LINGO2: variants seen among roughly 807,000 people sequenced by gnomAD.
LINGO2 encodes the protein leucine-rich repeat and immunoglobulin-like domain-containing nogo receptor-interacting protein 2.
A neutral mutation model predicts 30.6 loss-of-function variants in LINGO2; 14 were observed. The ratio of observed to expected loss-of-function variants is 0.46; its 90% CI spans 0.30 to 0.72. The LOEUF (loss-of-function observed/expected upper bound fraction) is 0.72, where lower values mean the gene tolerates loss of function less well. Ranked by LOEUF, LINGO2 falls within the 30% of genes least tolerant of loss-of-function variation. The probability of loss-of-function intolerance (pLI) is 0.07; values close to 1 mark genes in which losing one functional copy is unlikely to be tolerated. For missense variants in LINGO2, 729 were observed against 751.7 expected, an observed-to-expected ratio of 0.97 and a Z score of 0.35; for synonymous variants, 317 against 288.5, an observed-to-expected ratio of 1.10 and a Z score of -1.00.
intron 1 of LINGO2, among the ~76,000 whole-genome samples, chr9:28,483,969 G>T (rs548997593): frequency 1.3e-5 from 2 of 152,018 alleles, no homozygotes; most frequent in African/African-American, 2.4e-5. Context: ...TTCAGATTAT[G>T]GTAACTTAAG....
chr9:28,194,501 C>G (rs1245258553), intron 4 of LINGO2, among the ~76,000 whole-genome samples: 2 of 147,058 alleles, frequency 1.4e-5, no homozygotes, highest in Non-Finnish European at 3.0e-5. Context: ...AGTACATTAT[C>G]TCAATCACTT....
At chr9:29,137,643 G>A in the LINGO2 span, among the ~76,000 whole-genome samples, 1 of 152,014 alleles carries the variant, frequency 6.6e-6, no homozygotes, top group East Asian at 1.9e-4. Context: ...AAGACTTAAG[G>A]GCATGGGCTC....
the LINGO2 span, among the ~76,000 whole-genome samples, chr9:28,969,010 C>A: frequency 1.1e-4 from 17 of 151,908 alleles, no homozygotes; most frequent in Non-Finnish European, 2.4e-4. Flanking sequence ...ATAGTGATGC[C>A]TTCATTCAAT....
At chr9:28,307,112 C>A (rs1011628588) in intron 3 of LINGO2, among the ~76,000 whole-genome samples, 1 of 151,974 alleles carries the variant, frequency 6.6e-6, no homozygotes, top group Non-Finnish European at 1.5e-5. Context: ...CAAAGCCCGG[C>A]AGAGACACAA....
At chr9:28,795,598 T>C in the LINGO2 span, among the ~76,000 whole-genome samples, 3 of 151,442 alleles carry the variant, frequency 2.0e-5, no homozygotes, top group African/African-American at 7.3e-5. Flanking sequence ...TATCCATATA[T>C]AGATAGATAC....
At chr9:28,915,207 G>A in the LINGO2 span, among the ~76,000 whole-genome samples, 1 of 152,132 alleles carries the variant, frequency 6.6e-6, no homozygotes, top group Non-Finnish European at 1.5e-5. Context: ...AGAAAGCTCA[G>A]GAAAAGTACC....
At chr9:28,177,766 C>A (rs1199904814) in intron 4 of LINGO2, among the ~76,000 whole-genome samples, 1 of 152,060 alleles carries the variant, frequency 6.6e-6, no homozygotes. Flanking sequence ...TCCTCTCATT[C>A]TTAACAAAAA....
chr9:28,916,776 T>C, the LINGO2 span, among the ~76,000 whole-genome samples: 1 of 133,560 alleles, frequency 7.5e-6, no homozygotes, highest in African/African-American at 2.8e-5. Context: ...CAAAATAAAC[T>C]TCTAAATTAA....
the LINGO2 span, among the ~76,000 whole-genome samples, chr9:28,808,997 A>C: frequency 6.6e-6 from 1 of 152,130 alleles, no homozygotes; most frequent in Non-Finnish European, 1.5e-5. Context: ...TTATGCACTT[A>C]TGTATTTTTA....
chr9:28,362,528 T>C (rs1462751938), intron 3 of LINGO2, among the ~76,000 whole-genome samples: 1 of 151,930 alleles, frequency 6.6e-6, no homozygotes, highest in Non-Finnish European at 1.5e-5. Context: ...TGGAGTGCAA[T>C]GGCGTGATCT....
chr9:28,592,732 G>C (rs1470538268), intron 1 of LINGO2, among the ~76,000 whole-genome samples: 1 of 151,962 alleles, frequency 6.6e-6, no homozygotes, highest in Non-Finnish European at 1.5e-5. Context: ...GAAAGGATAT[G>C]GGGAAAACAC....
chr9:28,895,334 C>A, the LINGO2 span, among the ~76,000 whole-genome samples: 2 of 152,194 alleles, frequency 1.3e-5, no homozygotes, highest in Admixed American at 1.3e-4. Flanking sequence ...ATCAAGAGAG[C>A]GTTGTCACAC....
intron 2 of LINGO2, among the ~76,000 whole-genome samples, chr9:28,423,683 T>G (rs1564190289): frequency 6.6e-6 from 1 of 152,100 alleles, no homozygotes; most frequent in Non-Finnish European, 1.5e-5. Context: ...TGAAGAAAAC[T>G]GAATTTACTT....
chr9:28,664,508 G>T (rs1053786959), intron 1 of LINGO2, among the ~76,000 whole-genome samples: 2 of 151,982 alleles, frequency 1.3e-5, no homozygotes, highest in Non-Finnish European at 2.9e-5. Flanking sequence ...GTAAGACCTT[G>T]GTCAATTTAA....
intron 1 of LINGO2, among the ~76,000 whole-genome samples, chr9:28,619,169 A>T (rs1453504411): frequency 6.6e-6 from 1 of 152,168 alleles, no homozygotes; most frequent in Non-Finnish European, 1.5e-5. Flanking sequence ...TGAATGAATT[A>T]TTGAATGAAT....
chr9:27,970,836 T>C (rs561483464), intron 5 of LINGO2, among the ~76,000 whole-genome samples: 9 of 151,836 alleles, frequency 5.9e-5, no homozygotes, highest in African/African-American at 1.9e-4. Flanking sequence ...AACAGAGATA[T>C]AACCATGAAA....
At chr9:28,977,900 C>G in the LINGO2 span, among the ~76,000 whole-genome samples, 1 of 152,074 alleles carries the variant, frequency 6.6e-6, no homozygotes, top group African/African-American at 2.4e-5. Flanking sequence ...TGAAACAAAG[C>G]CTTCTGAATT....
intron 4 of LINGO2, among the ~76,000 whole-genome samples, chr9:28,187,477 G>T (rs978092139): frequency 7.2e-6 from 1 of 137,982 alleles, no homozygotes; most frequent in African/African-American, 2.7e-5. Context: ...GTGACAGAGC[G>T]AGACTCTGTC....
chr9:28,100,003 T>G (rs1189388808), intron 4 of LINGO2, among the ~76,000 whole-genome samples: 1 of 152,194 alleles, frequency 6.6e-6, no homozygotes, highest in East Asian at 1.9e-4. Context: ...TTCTCTGCTA[T>G]CATAGCATCA....
Sources: allele counts gnomAD v4.1 joint callset (sites outside exome capture counted in the v4.1 genomes callset), GRCh38; gene constraint gnomAD v4.1.1; transcripts MANE v1.5; gene names NCBI Gene and HGNC (gene_info 2026-07-23, HGNC 2026-07-21).